The following JMJD1C variants were observed in gnomAD, a reference collection of about 807,000 sequenced individuals.
JMJD1C encodes jumonji domain-containing protein 1C.
JMJD1C carries 31 observed loss-of-function variants against 245.3 expected under a neutral mutation model. The observed-to-expected ratio is 0.13, with a 90% CI of 0.09 to 0.17. JMJD1C has a LOEUF of 0.17. JMJD1C is among the 10% of genes least tolerant of loss of function. JMJD1C has a pLI of 1.00. For synonymous variants in JMJD1C, 1,057 were observed against 1,017.4 expected, an observed-to-expected ratio of 1.04 and a Z score of -0.74; for missense variants, 2,691 against 3,000.2, an observed-to-expected ratio of 0.90 and a Z score of 2.41.
At chr10:63,321,232 A>G (rs1481406814) in intron 2 of JMJD1C, among the ~76,000 whole-genome samples, 1 of 152,228 alleles carries the variant, frequency 6.6e-6, no homozygotes, top group Non-Finnish European at 1.5e-5. Context: ...GGTAAACATA[A>G]TAAGTAAAGT....
At chr10:63,399,936 A>T (rs181122668) in intron 1 of JMJD1C, among the ~76,000 whole-genome samples, 75 of 151,488 alleles carry the variant, frequency 5.0e-4, no homozygotes, top group Middle Eastern at 6.8e-3. Flanking sequence ...TCCATTTTTT[A>T]AAAAAAAATA....
At position 63,465,800 on chromosome 10, in the gene JMJD1C, A is replaced by G; in HGVS notation, c.-138T>C. The G allele has an allele frequency of 9.7e-7, 1 of 1,033,640 alleles. No homozygotes were observed. 64.0% of individuals were successfully genotyped at this position (1,033,640 alleles called of 1,614,324 possible). A position where few individuals can be genotyped will look rare whatever the true frequency, so the allele number is the denominator to read the frequency against. ...CCGAAAGAGCGCAGACTCGGGACGA[A>G]CCGGCCGCTCTGCCCCGGACACAGC... On this transcript the variant is annotated 5_prime_UTR_variant, in exon 1 of 26. Transcript: ENST00000399262.
rs779543715 is a variant in JMJD1C, at chr10:63,214,327, G to A, written c.1840C>T (p.His614Tyr). 5.5e-5 allele frequency: 88 copies of A among 1,613,844 alleles called. No individual in the cohort carries two copies. Among genetic ancestry groups the A allele is most frequent in the Non-Finnish European group, 7.0e-5 (83 of 1,179,874 alleles). ...SAVSVMEDKL[H>Y]KRSPPPETIK... ...GTCTCTGGAGGTGGACTTCGCTTAT[G>A]CAGCTTATCTTCCATGACAGAAACT... is the stretch of plus-strand genomic sequence containing the variant. The change falls in exon 8 of 26, where the codon CAT becomes TAT. Residue 614 changes from histidine (H) to tyrosine (Y), a missense_variant. Coordinates refer to ENST00000399262, the MANE Select transcript of JMJD1C (RefSeq NM_032776.3).
At chr10:63,255,805 T>C (rs1853826055) in intron 3 of JMJD1C, among the ~76,000 whole-genome samples, 1 of 152,114 alleles carries the variant, frequency 6.6e-6, no homozygotes, top group South Asian at 2.1e-4. Context: ...TGAAAATATT[T>C]TGGGAATGAT....
chr10:63,223,886 T>C (rs1375011650), intron 3 of JMJD1C, among the ~76,000 whole-genome samples: 1 of 152,048 alleles, frequency 6.6e-6, no homozygotes, highest in Non-Finnish European at 1.5e-5. Context: ...CCTGAGTACC[T>C]GGGATTACAG....
chr10:63,247,468 T>C (rs1249099893), intron 3 of JMJD1C, among the ~76,000 whole-genome samples: 3 of 152,034 alleles, frequency 2.0e-5, no homozygotes, highest in Non-Finnish European at 2.9e-5. Flanking sequence ...CAGCCAGGCA[T>C]GGTGGCTCAA....
chr10:63,247,001 C>T (rs1852292450), intron 3 of JMJD1C, among the ~76,000 whole-genome samples: 1 of 149,244 alleles, frequency 6.7e-6, no homozygotes, highest in South Asian at 2.1e-4. Flanking sequence ...TTCAAATATA[C>T]AACGCAACAA....
Position 63,217,308 on chromosome 10 carries a change from T to C in JMJD1C, c.577A>G (p.Arg193Gly). ...MQGPYSLNGY[R>G]VRVYRQDSAT... ...GAGTCTTGTCTATATACTCTCACTC[T>C]GTATCCATTTAAGGAATAAGGACCT... Residue 193 changes from arginine (R) to glycine (G), a missense_variant, in exon 5 of 26, where the codon AGA becomes GGA. Transcript: ENST00000399262. 2 of 1,597,834 alleles carry C rather than the reference T, an allele frequency of 1.3e-6. No homozygotes were observed. Among genetic ancestry groups the C allele is most frequent in the Admixed American group, 1.8e-5 (1 of 56,680 alleles).
chr10:63,509,446 C>G (rs553737684), intron 1 of JMJD1C, among the ~76,000 whole-genome samples: 4 of 152,304 alleles, frequency 2.6e-5, no homozygotes, highest in African/African-American at 9.6e-5. Flanking sequence ...TGTATTTCCC[C>G]TACTTCTGTC....
intron 2 of JMJD1C, among the ~76,000 whole-genome samples, chr10:63,293,914 T>A (rs769714375): frequency 1.4e-4 from 21 of 152,084 alleles, no homozygotes; most frequent in Non-Finnish European, 2.8e-4. Flanking sequence ...GTATTATCTA[T>A]ATGCAGTAAA....
chr10:63,375,188 T>TG, intron 2 of JMJD1C, among the ~76,000 whole-genome samples: 1 of 142,782 alleles, frequency 7.0e-6, no homozygotes, highest in African/African-American at 2.5e-5. Context: ...ATTGGCTTTT[T>TG]TTTTTTTTTT....
chr10:63,439,765 A>C (rs1011575166), intron 1 of JMJD1C, among the ~76,000 whole-genome samples: 1 of 152,072 alleles, frequency 6.6e-6, no homozygotes, highest in Non-Finnish European at 1.5e-5. Flanking sequence ...TAGATCATAA[A>C]AAAGTCACTT....
At chr10:63,360,511 G>T (rs776593610) in intron 2 of JMJD1C, among the ~76,000 whole-genome samples, 1 of 152,084 alleles carries the variant, frequency 6.6e-6, no homozygotes, top group Non-Finnish European at 1.5e-5. Flanking sequence ...TGCAATCTTG[G>T]TAAGACTAAA....
At position 63,233,721 on chromosome 10, in the gene JMJD1C, C is replaced by T. The variant is rs892776804; in HGVS notation, c.448-13738G>A. Among the ~76,000 whole-genome samples, 48 of 134,112 alleles carry T rather than the reference C, an allele frequency of 3.6e-4. No individual in the cohort carries two copies. The South Asian group carries it at 9.6e-3, about 27-fold the overall frequency. The allele number at this position is 134,112 out of a possible 152,430, so 88.0% of individuals were successfully genotyped here. On this transcript the variant is annotated intron_variant, in intron 3 of 25. Transcript: ENST00000399262. The stretch of plus-strand genomic sequence containing the variant: ...ATATATATATGTATCTCCATATATA[C>T]ATATTATATATATATATATATCCAC...
In JMJD1C at chr10:63,212,968, A is replaced by C. The variant is rs572193563; in HGVS notation, c.2694+505T>G. 3.5e-4 allele frequency among the ~76,000 whole-genome samples: 53 copies of C among 151,620 alleles called. 1 individual carries two copies. The highest frequency in any genetic ancestry group is 1.1e-3 in the African/African-American group (46 of 41,438). On this transcript the variant is annotated intron_variant, in intron 8 of 25. Coordinates refer to ENST00000399262, the MANE Select transcript of JMJD1C (RefSeq NM_032776.3). Reference sequence around the variant, plus strand: ...TTTGGGAGGCCGAGACAGACGGATCACAAGGTCAGGAGTTCAAGACCAGCC... The same window carrying C: ...TTTGGGAGGCCGAGACAGACGGATCCCAAGGTCAGGAGTTCAAGACCAGCC...
chr10:63,294,627 T>C (rs1345752464), intron 2 of JMJD1C, among the ~76,000 whole-genome samples: 1 of 152,178 alleles, frequency 6.6e-6, no homozygotes, highest in African/African-American at 2.4e-5. Context: ...TGTCTATGAA[T>C]TAATTTCTGT....
Position 63,214,609 on chromosome 10 carries a change from T to G in JMJD1C, c.1558A>C (p.Lys520Gln), listed in dbSNP as rs144945390. ...GTACTTGAGTTTTCCTGAGCCACCT[T>G]TTCTAAATTAGTGTCATTTGTAATA... ...IDITNDTNLE[K>Q]VAQENSSTFG... Residue 520 changes from lysine to glutamine, a missense_variant, in exon 8 of 26, where the codon AAG becomes CAG. Physicochemically the swap from Lys to Gln is moderately conservative, Grantham distance 53. Around this residue, in one of 9 missense-constraint regions of JMJD1C, gnomAD observed 1,562 missense variants for 1,490.7 expected, o/e 1.05. Transcript: ENST00000399262. 2.8e-5 allele frequency: 46 copies of G among 1,614,146 alleles called. No individual in the cohort carries two copies. The East Asian group carries it at 1.0e-3, about 35-fold the overall frequency.
intron 16 of JMJD1C, among the ~76,000 whole-genome samples, chr10:63,191,759 C>G (rs576995428): frequency 6.6e-6 from 1 of 151,494 alleles, no homozygotes; most frequent in South Asian, 2.1e-4. Context: ...CTGAGGCAGG[C>G]GGATCACTTG....
intron 2 of JMJD1C, among the ~76,000 whole-genome samples, chr10:63,373,633 G>C (rs1946490266): frequency 6.6e-6 from 1 of 152,090 alleles, no homozygotes; most frequent in African/African-American, 2.4e-5. Flanking sequence ...CATAAAGCAA[G>C]TATCATGTGC....
Sources: allele counts gnomAD v4.1 joint callset (sites outside exome capture counted in the v4.1 genomes callset), GRCh38; gene constraint gnomAD v4.1.1; regional missense constraint gnomAD v4.1.1; transcripts MANE v1.5; gene names NCBI Gene and HGNC (gene_info 2026-07-23, HGNC 2026-07-21).